SH3BGRL: variants seen among roughly 807,000 people sequenced by gnomAD.
SH3BGRL encodes adapter SH3BGRL.
In SH3BGRL, 7 loss-of-function variants were observed where a neutral mutation model predicts 9.8. The observed-to-expected ratio is 0.72, with a 90% CI of 0.41 to 1.35. The LOEUF is 1.35. SH3BGRL is among the 40% of genes most tolerant of loss of function. SH3BGRL has a pLI of 0.01. For synonymous variants in SH3BGRL, 36 were observed against 29.1 expected, an observed-to-expected ratio of 1.24 and a Z score of -0.76; for missense variants, 73 against 84.4, an observed-to-expected ratio of 0.86 and a Z score of 0.53.
At chrX:81,228,409 G>A (rs1217195808) in intron 1 of SH3BGRL, among the ~76,000 whole-genome samples, 3 of 112,008 alleles carry the variant, frequency 2.7e-5, no homozygotes, top group Admixed American at 9.4e-5. Flanking sequence ...ACTATCTACA[G>A]ATCTGGAATC....
chrX:81,221,590 A>ATCC (rs1465428784), intron 1 of SH3BGRL, among the ~76,000 whole-genome samples: 1 of 111,617 alleles, frequency 9.0e-6, no homozygotes, highest in Non-Finnish European at 1.9e-5. Context: ...AAACATTTGA[A>ATCC]CTCTGGCAAA....
chrX:81,237,027 A>G lies in SH3BGRL; in HGVS notation c.45+34782A>G, dbSNP rs956639045. On this transcript the variant is annotated intron_variant, in intron 1 of 3. Transcript: ENST00000373212. ...AGGCACAGTCTAAAGACTTGAAACC[A>G]TGGAAATTAGATAGATTCCAGTGAA... The G allele has an allele frequency of 1.3e-5, 10 of 782,496 alleles. No individual in the cohort carries two copies. The African/African-American group carries it at 2.0e-4, about 16-fold the overall frequency. 64.5% of individuals were successfully genotyped at this position (782,496 alleles called of 1,213,427 possible).
intron 1 of SH3BGRL, among the ~76,000 whole-genome samples, chrX:81,232,714 A>G (rs1160307350): frequency 9.1e-6 from 1 of 110,440 alleles, no homozygotes; most frequent in African/African-American, 3.3e-5. Context: ...TTTAATAAAC[A>G]CTTTTCGTAT....
chrX:81,253,203 A>G (rs1377598897), intron 1 of SH3BGRL, among the ~76,000 whole-genome samples: 4 of 112,245 alleles, frequency 3.6e-5, no homozygotes, highest in Non-Finnish European at 7.5e-5. Context: ...GAGTGAAAAT[A>G]GGTAAAGATG....
At chrX:81,214,058 G>T (rs914854119) in intron 1 of SH3BGRL, among the ~76,000 whole-genome samples, 3 of 112,451 alleles carry the variant, frequency 2.7e-5, no homozygotes, top group African/African-American at 9.7e-5. Context: ...CGGAGGAGGT[G>T]AAAGAAACAG....
chrX:81,282,913 G>T (rs1486965368), intron 3 of SH3BGRL, among the ~76,000 whole-genome samples: 1 of 111,831 alleles, frequency 8.9e-6, no homozygotes, highest in Non-Finnish European at 1.9e-5. Flanking sequence ...AAAATGGATA[G>T]ACCATTAGCA....
chrX:81,211,462 C>T (rs1415511811), intron 1 of SH3BGRL, among the ~76,000 whole-genome samples: 1 of 111,081 alleles, frequency 9.0e-6, no homozygotes, highest in Non-Finnish European at 1.9e-5. Flanking sequence ...TGGCGGGCGC[C>T]TGTAGTCCCA....
chrX:81,275,816 G>GT (rs1282518785), intron 1 of SH3BGRL, among the ~76,000 whole-genome samples: 6 of 111,843 alleles, frequency 5.4e-5, no homozygotes, highest in Non-Finnish European at 9.4e-5. Context: ...ATTTTCCCGA[G>GT]TTTATGTGAT....
chrX:81,219,208 G>A (rs1324501721), intron 1 of SH3BGRL, among the ~76,000 whole-genome samples: 1 of 109,788 alleles, frequency 9.1e-6, no homozygotes, highest in Non-Finnish European at 1.9e-5. Flanking sequence ...TAAGAGCTGT[G>A]AGGCAAAAGC....
At chrX:81,229,762 T>G (rs986819955) in intron 1 of SH3BGRL, among the ~76,000 whole-genome samples, 1 of 111,691 alleles carries the variant, frequency 9.0e-6, no homozygotes, top group Non-Finnish European at 1.9e-5. Context: ...CTTGTATGCG[T>G]GCCCAGTAGG....
intron 1 of SH3BGRL, among the ~76,000 whole-genome samples, chrX:81,264,926 A>G (rs1374837147): frequency 9.0e-6 from 1 of 111,269 alleles, no homozygotes; most frequent in African/African-American, 3.3e-5. Context: ...TTCCAGATAA[A>G]AAAGAAGTGG....
chrX:81,202,281 C>T, intron 1 of SH3BGRL, 36 bp downstream of exon 1: 6 of 1,164,867 alleles, frequency 5.2e-6, no homozygotes, highest in Non-Finnish European at 7.0e-6. Context: ...TGTTGTTTTC[C>T]TACACACCAG....
At chrX:81,259,788 C>T (rs1329421186) in intron 1 of SH3BGRL, among the ~76,000 whole-genome samples, 4 of 112,054 alleles carry the variant, frequency 3.6e-5, no homozygotes, top group Admixed American at 2.8e-4. Context: ...AAGCCACTGA[C>T]ACTGTTATGG....
chrX:81,204,691 G>A (rs1038672407), intron 1 of SH3BGRL, among the ~76,000 whole-genome samples: 4 of 111,091 alleles, frequency 3.6e-5, no homozygotes, highest in African/African-American at 9.8e-5. Flanking sequence ...TTATGGTGGC[G>A]GGCGCCTGCA....
intron 3 of SH3BGRL, among the ~76,000 whole-genome samples, chrX:81,288,433 G>T (rs1204227432): frequency 9.0e-6 from 1 of 111,687 alleles, no homozygotes; most frequent in Non-Finnish European, 1.9e-5. Context: ...GGGAGTCTTA[G>T]CTAGAGCAAC....
Position 81,234,499 on chromosome X carries a change from T to C in SH3BGRL, c.45+32254T>C, listed in dbSNP as rs760948562. 5.3e-5 allele frequency among the ~76,000 whole-genome samples: 6 copies of C among 112,356 alleles called. No homozygotes were observed. In the East Asian group the frequency reaches 1.7e-3, roughly 31 times the overall value. On this transcript the variant is annotated intron_variant, in intron 1 of 3. Coordinates refer to ENST00000373212, the MANE Select transcript of SH3BGRL (RefSeq NM_003022.3). ...GATGTGATTGTTAATTACATTTCTT[T>C]ATGATTTGTGTTACAGCAAAATGTT...
At chrX:81,227,928 C>T (rs1446050063) in intron 1 of SH3BGRL, among the ~76,000 whole-genome samples, 4 of 111,424 alleles carry the variant, frequency 3.6e-5, no homozygotes, top group East Asian at 2.8e-4. Context: ...ACTGTGACCA[C>T]GATGCTTCTT....
At chrX:81,294,226 G>A (rs1602633644) in intron 3 of SH3BGRL, among the ~76,000 whole-genome samples, 1 of 111,548 alleles carries the variant, frequency 9.0e-6, no homozygotes, top group African/African-American at 3.3e-5. Flanking sequence ...TGGGGAAAAA[G>A]TCTCCAGGGC....
chrX:81,278,543 C>G (rs1385220794), intron 3 of SH3BGRL, 132 bp downstream of exon 3: 1 of 446,799 alleles, frequency 2.2e-6, no homozygotes, highest in African/African-American at 2.5e-5. Context: ...AAAGTGCCTT[C>G]TCTGCATCCA....
Sources: gnomAD v4.1 joint callset for allele counts (sites outside exome capture counted in the v4.1 genomes callset) on GRCh38, gnomAD v4.1.1 for gene constraint, MANE v1.5 for transcripts, NCBI Gene and HGNC (gene_info 2026-07-23, HGNC 2026-07-21) for gene names.